LYPD8: variants seen among roughly 807,000 people sequenced by gnomAD.
The protein encoded by LYPD8 is ly6/PLAUR domain-containing protein 8.
In LYPD8, 8 loss-of-function variants were observed where a neutral mutation model predicts 1.7. The ratio of observed to expected loss-of-function variants is 4.58; its 90% CI spans 2.69 to 8.27. The LOEUF is 8.27. LYPD8 is among the 30% of genes most tolerant of loss of function. The probability of loss-of-function intolerance (pLI) is 0.00; values close to 1 mark genes in which losing one functional copy is unlikely to be tolerated. For missense variants in LYPD8, 112 were observed against 102.3 expected, an observed-to-expected ratio of 1.09 and a Z score of -0.41; for synonymous variants, 50 against 43.6, an observed-to-expected ratio of 1.15 and a Z score of -0.58.
intron 2 of LYPD8, among the ~76,000 whole-genome samples, chr1:248,752,734 T>TCA (rs1474472984): frequency 4.3e-5 from 1 of 23,302 alleles, no homozygotes; most frequent in African/African-American, 1.7e-4. Context: ...CACACACACA[T>TCA]CACACACACC....
chr1:248,748,530 C>T (rs1461307590), intron 4 of LYPD8, 77 bp from the exon 5 acceptor site: 1 of 398,346 alleles, frequency 2.5e-6, no homozygotes, highest in Non-Finnish European at 4.4e-6. Context: ...AGAATAGCAA[C>T]TGTTTCAGGC....
chr1:248,751,256 C>A (rs1662797618), intron 2 of LYPD8, 126 bp from the exon 3 acceptor site: 1 of 394,876 alleles, frequency 2.5e-6, no homozygotes, highest in Non-Finnish European at 4.5e-6. Flanking sequence ...AATCAAAATC[C>A]TGAGCTGGGA....
chr1:248,742,916 G>A (rs868926379), intron 6 of LYPD8, among the ~76,000 whole-genome samples: 4 of 113,508 alleles, frequency 3.5e-5, no homozygotes, highest in South Asian at 6.9e-4. Flanking sequence ...TGTTGGCAGC[G>A]GGGGAGATTA....
At chr1:248,754,359 ACCACACACACGACACATCACATG>A in intron 2 of LYPD8, among the ~76,000 whole-genome samples, 1 of 150,682 alleles carries the variant, frequency 6.6e-6, no homozygotes, top group African/African-American at 2.4e-5. Flanking sequence ...CACACCACAT[ACCACACACACGACACATCACATG>A]CCACACATCA....
rs1167791247 is a variant in LYPD8, at chr1:248,748,371, G to A, written c.255C>T (p.Val85=). 1 of 455,102 alleles carries A rather than the reference G, an allele frequency of 2.2e-6. No homozygotes were observed. The highest frequency in any genetic ancestry group is 3.8e-6 in the Non-Finnish European group (1 of 261,074). The allele number at this position is 455,102 out of a possible 1,614,324, so 28.2% of individuals were successfully genotyped here. ...GAAAGTGTTCTTCAGCAGACACGTG[G>A]ACAGTGAAGGCTGTAATGTGTGTCT... is the stretch of plus-strand genomic sequence containing the variant. The part of the protein sequence containing the change: ...SEETHITAFT[V]HVSAEEHFHF... Residue 85 remains valine (V), a synonymous_variant, in exon 5 of 7, where the codon GTC becomes GTT. Transcript: ENST00000590317.
Position 248,750,991 on chromosome 1 carries a change from G to A in LYPD8, c.52+39C>T, listed in dbSNP as rs1431353399. 3 of 398,558 alleles carry A rather than the reference G, an allele frequency of 7.5e-6. No individual in the cohort carries two copies. The Admixed American group carries it at 1.3e-4, about 18-fold the overall frequency. 24.7% of individuals were successfully genotyped at this position (398,558 alleles called of 1,614,324 possible). A position where few individuals can be genotyped will look rare whatever the true frequency, so the allele number is the denominator to read the frequency against. ...AAGACACTGGTGAGGTGGAAAAGGGGGTCTCCATTCTAAAAAGGGGCCACG... is the reference window on the plus strand; with the variant it reads ...AAGACACTGGTGAGGTGGAAAAGGGAGTCTCCATTCTAAAAAGGGGCCACG... On this transcript the variant is annotated intron_variant, in intron 3 of 6. Transcript: ENST00000590317.
chr1:248,750,681 G>A, intron 3 of LYPD8, 38 bp from the exon 4 acceptor site: 1 of 398,604 alleles, frequency 2.5e-6, no homozygotes, highest in Non-Finnish European at 4.4e-6. Flanking sequence ...TCAACATTCA[G>A]TAGACATTTA....
chr1:248,740,666 G>C (rs1307736183), intron 6 of LYPD8, among the ~76,000 whole-genome samples: 2 of 148,310 alleles, frequency 1.3e-5, no homozygotes, highest in African/African-American at 5.3e-5. Flanking sequence ...CTAGGACCAG[G>C]CATGAAGCAG....
Position 248,739,886 on chromosome 1 carries a change from GT to G in LYPD8, c.476-38del, listed in dbSNP as rs1662557245. ...AAGGAGACAGGAGGGACGCCACTCA[GT>G]CCTTTGTCCTTCCACCCACGCCTGC... On this transcript the variant is annotated intron_variant, in intron 6 of 6. Transcript: ENST00000590317. This position sits in a 1 kb window ranked among gnomAD's most constrained non-coding sequence, Gnocchi z 4.3. 1 of 1,549,414 alleles carries G rather than the reference GT, an allele frequency of 6.5e-7. No individual in the cohort carries two copies. Among genetic ancestry groups the G allele is most frequent in the African/African-American group, 1.4e-5 (1 of 73,046 alleles).
At chr1:248,742,966 T>C (rs1348779211) in intron 6 of LYPD8, among the ~76,000 whole-genome samples, 1 of 109,318 alleles carries the variant, frequency 9.1e-6, no homozygotes, top group Non-Finnish European at 1.7e-5. Flanking sequence ...GAGATTATGC[T>C]CTGGTGGGGA....
At chr1:248,746,126 G>A (rs1662723291) in intron 5 of LYPD8, among the ~76,000 whole-genome samples, 1 of 152,178 alleles carries the variant, frequency 6.6e-6, no homozygotes, top group African/African-American at 2.4e-5. Context: ...CTGTTGATGT[G>A]TAATGTGTTT....
intron 2 of LYPD8, among the ~76,000 whole-genome samples, chr1:248,752,032 T>C (rs1662808796): frequency 6.6e-6 from 1 of 152,118 alleles, no homozygotes. Flanking sequence ...AGCAGGTGTG[T>C]GGCTCTGGCC....
intron 2 of LYPD8, among the ~76,000 whole-genome samples, chr1:248,752,586 A>C (rs2103172184): frequency 7.2e-6 from 1 of 138,030 alleles, no homozygotes; most frequent in Admixed American, 7.3e-5. Flanking sequence ...CATCACACAC[A>C]CACCACACAC....
At chr1:248,750,882 T>C (rs1457890266) in intron 3 of LYPD8, 148 bp downstream of exon 3, 5 of 397,724 alleles carry the variant, frequency 1.3e-5, no homozygotes, top group Non-Finnish European at 2.2e-5. Flanking sequence ...GAGTGGCCCC[T>C]TCAAAGCAGG....
chr1:248,752,982 A>C (rs1303080714), intron 2 of LYPD8, among the ~76,000 whole-genome samples: 31 of 74,058 alleles, frequency 4.2e-4, no homozygotes, highest in African/African-American at 6.8e-4. Context: ...CACACACACA[A>C]CACAACACAC....
chr1:248,750,072 A>C (rs1269321655), intron 4 of LYPD8, among the ~76,000 whole-genome samples: 1 of 152,206 alleles, frequency 6.6e-6, no homozygotes, highest in Non-Finnish European at 1.5e-5. Context: ...AGTGAAGAAG[A>C]AATCTAAGTG....
At chr1:248,753,001 ACAC>A (rs1355052696) in intron 2 of LYPD8, among the ~76,000 whole-genome samples, 69,327 of 97,032 alleles carry the variant, frequency 0.71, 25,034 homozygotes, top group Middle Eastern at 0.87. Flanking sequence ...ACACACAAAC[ACAC>A]CACATCATAC....
chr1:248,743,859 G>A (rs183185301), intron 6 of LYPD8, among the ~76,000 whole-genome samples: 224 of 152,340 alleles, frequency 1.5e-3, no homozygotes, highest in Non-Finnish European at 2.8e-3. Context: ...GGTGAGTGGG[G>A]GCCAGAGCTA....
chr1:248,752,640 ACACAACACACAACACACAC>A (rs1572156180), intron 2 of LYPD8, among the ~76,000 whole-genome samples: 2 of 58,590 alleles, frequency 3.4e-5, no homozygotes, highest in African/African-American at 8.7e-5. Flanking sequence ...CACACACCCC[ACACAACACACAACACACAC>A]CACACACACC....
Sources: gnomAD v4.1 joint callset for allele counts (sites outside exome capture counted in the v4.1 genomes callset) on GRCh38, gnomAD v4.1.1 for gene constraint, Gnocchi (gnomAD v3.1) non-coding constraint, MANE v1.5 for transcripts, NCBI Gene and HGNC (gene_info 2026-07-23, HGNC 2026-07-21) for gene names.